The following SPATA6L variants were observed in gnomAD, a reference collection of about 807,000 sequenced individuals.
SPATA6L encodes spermatogenesis associated 6-like protein.
A neutral mutation model predicts 49.2 loss-of-function variants in SPATA6L; 68 were observed. The ratio of observed to expected loss-of-function variants is 1.38; its 90% CI spans 1.14 to 1.69. The LOEUF (loss-of-function observed/expected upper bound fraction) is 1.69, where lower values mean the gene tolerates loss of function less well. SPATA6L is among the 40% of genes most tolerant of loss of function. The pLI is 0.00. For synonymous variants in SPATA6L, 198 were observed against 165.7 expected (o/e 1.19, Z -1.50); for missense variants, 668 against 464.3 (o/e 1.44, Z -4.03).
intron 3 of SPATA6L, among the ~76,000 whole-genome samples, chr9:4,648,484 G>T (rs926518869): frequency 1.3e-5 from 2 of 151,764 alleles, no homozygotes; most frequent in South Asian, 4.2e-4. Context: ...CGGATCACAA[G>T]GTCAGGAGAT....
intron 13 of SPATA6L, among the ~76,000 whole-genome samples, chr9:4,590,692 G>A (rs553332448): frequency 5.3e-5 from 8 of 152,210 alleles, no homozygotes; most frequent in Non-Finnish European, 1.2e-4. Flanking sequence ...GGCCCCGCGG[G>A]GACAACTCCA....
At chr9:4,628,125 G>T in intron 5 of SPATA6L, 1 of 226,948 alleles carries the variant, frequency 4.4e-6, no homozygotes, top group Non-Finnish European at 8.7e-6. Context: ...GAGCTGAGGG[G>T]GAGTGGGGAT....
At chr9:4,630,959 C>G (rs1831409969) in intron 4 of SPATA6L, among the ~76,000 whole-genome samples, 1 of 152,208 alleles carries the variant, frequency 6.6e-6, no homozygotes, top group African/African-American at 2.4e-5. Context: ...CCCAGACAAT[C>G]TGATTCCACA....
At chr9:4,597,885 A>G (rs889818319), downstream of SPATA6L, among the ~76,000 whole-genome samples, 1 of 152,210 alleles carries the variant, frequency 6.6e-6, no homozygotes, top group Non-Finnish European at 1.5e-5. Context: ...TGCCCTCCAG[A>G]GAGCCCAGCG....
chr9:4,652,403 C>T (rs944549885), intron 3 of SPATA6L, among the ~76,000 whole-genome samples: 13 of 151,890 alleles, frequency 8.6e-5, no homozygotes, highest in Non-Finnish European at 1.8e-4. Flanking sequence ...AAAACAAAAA[C>T]AAAAACAAAA....
At chr9:4,595,043 C>T (rs185190714), downstream of SPATA6L, among the ~76,000 whole-genome samples, 17 of 152,228 alleles carry the variant, frequency 1.1e-4, no homozygotes, top group East Asian at 5.8e-4. Flanking sequence ...TTCTCTTAGT[C>T]GTTGAGTTCA....
chr9:4,622,074 G>A lies in SPATA6L; in HGVS notation c.772+334C>T, dbSNP rs1829434636. Among the ~76,000 whole-genome samples the A allele has an allele frequency of 2.0e-5, 3 of 152,278 alleles. 1 individual carries two copies. The South Asian group carries it at 6.2e-4, about 32-fold the overall frequency. On this transcript the variant is annotated intron_variant, in intron 7 of 11. Transcript: ENST00000682582. ...TCCAGAAAAACGGAAAGCCTTATTT[G>A]TTAGGCATCAATGGTGACTTTGCAA...
intron 3 of SPATA6L, among the ~76,000 whole-genome samples, chr9:4,643,112 G>C (rs1396133844): frequency 2.0e-5 from 3 of 152,106 alleles, no homozygotes; most frequent in African/African-American, 4.8e-5. Flanking sequence ...GGTTCAAGCA[G>C]TTCTCCTGTC....
At chr9:4,590,867 C>T (rs1422656296) in intron 13 of SPATA6L, among the ~76,000 whole-genome samples, 1 of 152,226 alleles carries the variant, frequency 6.6e-6, no homozygotes, top group Non-Finnish European at 1.5e-5. Flanking sequence ...TTCTGACAGA[C>T]TGCAGGCTCT....
chr9:4,622,988 AGGGT>A (rs2130424179), intron 6 of SPATA6L, among the ~76,000 whole-genome samples: 1 of 152,288 alleles, frequency 6.6e-6, no homozygotes, highest in South Asian at 2.1e-4. Context: ...AAAAAGAATA[AGGGT>A]AGCTAGGCCG....
intron 13 of SPATA6L, among the ~76,000 whole-genome samples, chr9:4,589,986 C>T (rs747180825): frequency 9.2e-5 from 14 of 152,264 alleles, no homozygotes; most frequent in South Asian, 2.1e-4. Flanking sequence ...TGCAGTGGCG[C>T]GATCTTGGTT....
rs889696936 is a variant in SPATA6L at position 4,605,282 on chromosome 9, G to C, written c.1089+65C>G. ...TGATTAATGTCTGTCTCCCCGACTA[G>C]ACTGTAGGTCCCTGTTCACATATTA... On this transcript the variant is annotated intron_variant, in intron 10 of 11. Transcript: ENST00000682582. The C allele has an allele frequency of 1.5e-5, 19 of 1,250,600 alleles. No homozygotes were observed. The Admixed American group carries it at 2.1e-4, about 14-fold the overall frequency. 77.5% of individuals were successfully genotyped at this position (1,250,600 alleles called of 1,614,324 possible).
intron 9 of SPATA6L, among the ~76,000 whole-genome samples, chr9:4,615,233 T>C (rs1827696190): frequency 6.6e-6 from 1 of 152,248 alleles, no homozygotes; most frequent in Non-Finnish European, 1.5e-5. Context: ...ATTCACAAAG[T>C]GCTGCTTTGT....
chr9:4,634,823 T>C (rs975386166), intron 4 of SPATA6L, among the ~76,000 whole-genome samples: 2 of 152,192 alleles, frequency 1.3e-5, no homozygotes, highest in African/African-American at 4.8e-5. Context: ...TTCAGTAATA[T>C]CAATTTGCGA....
intron 6 of SPATA6L, 39 bp from the exon 7 acceptor site, chr9:4,622,549 T>C (rs757992272): frequency 5.2e-6 from 7 of 1,340,704 alleles, no homozygotes; most frequent in South Asian, 2.4e-5. Flanking sequence ...GAATCCACTA[T>C]AGCTTCTAGT....
chr9:4,602,024 C>T (rs1403001101), intron 11 of SPATA6L, among the ~76,000 whole-genome samples: 2 of 152,204 alleles, frequency 1.3e-5, no homozygotes, highest in East Asian at 1.9e-4. Context: ...ACTCAAGAAG[C>T]GGGGTCAGGG....
chr9:4,616,470 C>A (rs1022753202), intron 9 of SPATA6L, among the ~76,000 whole-genome samples: 4 of 152,150 alleles, frequency 2.6e-5, no homozygotes, highest in African/African-American at 9.7e-5. Flanking sequence ...GCTTTGCCAG[C>A]CTGCTGAATT....
Position 4,662,649 on chromosome 9 carries a change from A to G in SPATA6L, c.40-613T>C, listed in dbSNP as rs1385920537. 5 of 1,599,572 alleles carry G rather than the reference A, an allele frequency of 3.1e-6. No homozygotes were observed. The highest frequency in any genetic ancestry group is 1.1e-5 in the South Asian group (1 of 91,056). On this transcript the variant is annotated intron_variant, in intron 1 of 11. Transcript: ENST00000682582. This position sits in a 1 kb window ranked among gnomAD's most constrained non-coding sequence, Gnocchi z 4.9. ...GCCTCCGCTGCCCGAGGAGGACCGCATGGACTTGAACCCGTCCTTCCTGGG... is the reference window on the plus strand; with the variant it reads ...GCCTCCGCTGCCCGAGGAGGACCGCGTGGACTTGAACCCGTCCTTCCTGGG...
chr9:4,609,333 G>A (rs1007432740), intron 9 of SPATA6L, among the ~76,000 whole-genome samples: 3 of 151,870 alleles, frequency 2.0e-5, no homozygotes, highest in African/African-American at 7.3e-5. Context: ...GCCTGGCAGA[G>A]ACACAACCAA....
Sources: gnomAD v4.1 joint callset for allele counts (sites outside exome capture counted in the v4.1 genomes callset) on GRCh38, gnomAD v4.1.1 for gene constraint, Gnocchi (gnomAD v3.1) non-coding constraint, MANE v1.5 for transcripts, NCBI Gene and HGNC (gene_info 2026-07-23, HGNC 2026-07-21) for gene names.